The following GPR160 variants were observed in gnomAD, a reference collection of about 807,000 sequenced individuals.
The protein encoded by GPR160 is G protein-coupled receptor 160.
In GPR160, 2 loss-of-function variants were observed where a neutral mutation model predicts 2.6. That is an observed-to-expected ratio of 0.77 (90% CI 0.32 to 2.44). The LOEUF (loss-of-function observed/expected upper bound fraction) is 2.44. GPR160 is among the 30% of genes most tolerant of loss of function. The pLI, the probability that GPR160 is intolerant of heterozygous loss-of-function variation, is 0.11. For missense variants in GPR160, 351 were observed against 383.6 expected (o/e 0.91, Z 0.71); for synonymous variants, 130 against 132.2 (o/e 0.98, Z 0.12).
intron 2 of GPR160, among the ~76,000 whole-genome samples, chr3:170,054,580 A>G (rs530660558): frequency 8.5e-5 from 13 of 152,286 alleles, no homozygotes; most frequent in South Asian, 4.2e-4. Context: ...GAACTTTTTC[A>G]TCCTGTGCTG....
At chr3:170,045,226 G>A (rs1716656426) in intron 2 of GPR160, among the ~76,000 whole-genome samples, 1 of 151,656 alleles carries the variant, frequency 6.6e-6, no homozygotes, top group Non-Finnish European at 1.5e-5. Flanking sequence ...AAACGGACAT[G>A]GAATAAACAA....
chr3:170,081,235 C>CT (rs1270202768), intron 3 of GPR160, among the ~76,000 whole-genome samples: 2 of 151,508 alleles, frequency 1.3e-5, no homozygotes, highest in Non-Finnish European at 2.9e-5. Flanking sequence ...ATCTTGGCTT[C>CT]TTTATCCAAG....
intron 3 of GPR160, among the ~76,000 whole-genome samples, chr3:170,082,643 T>C (rs1713192518): frequency 1.3e-5 from 2 of 152,192 alleles, no homozygotes; most frequent in African/African-American, 4.8e-5. Context: ...TCACCCAGGC[T>C]GGAGTGCAGT....
chr3:170,045,860 C>A (rs1235550532), intron 2 of GPR160, among the ~76,000 whole-genome samples: 3 of 152,188 alleles, frequency 2.0e-5, no homozygotes, highest in Admixed American at 6.5e-5. Context: ...TCTGGTTCTT[C>A]CACCACCTGT....
intron 2 of GPR160, among the ~76,000 whole-genome samples, chr3:170,040,899 A>C (rs1009763664): frequency 6.6e-6 from 1 of 152,220 alleles, no homozygotes; most frequent in Non-Finnish European, 1.5e-5. Context: ...GACTCCTAAA[A>C]GTTCTGCATG....
At chr3:170,081,887 C>T (rs1713146138) in intron 3 of GPR160, among the ~76,000 whole-genome samples, 1 of 152,170 alleles carries the variant, frequency 6.6e-6, no homozygotes, top group African/African-American at 2.4e-5. Flanking sequence ...CATCCATGTT[C>T]CTGTGAAAGA....
At chr3:170,082,824 G>T (rs1713202321) in intron 3 of GPR160, among the ~76,000 whole-genome samples, 1 of 151,584 alleles carries the variant, frequency 6.6e-6, no homozygotes, top group East Asian at 1.9e-4. Flanking sequence ...CCAACTCCTG[G>T]GCTCAAGCCA....
intron 2 of GPR160, among the ~76,000 whole-genome samples, chr3:170,067,492 C>G (rs1036420768): frequency 6.6e-6 from 1 of 151,078 alleles, no homozygotes; most frequent in African/African-American, 2.4e-5. Context: ...TTTTTTTCTT[C>G]TAGTTTGATC....
chr3:170,073,881 A>ATTTTTTTTTTTT (rs35575462), intron 2 of GPR160, among the ~76,000 whole-genome samples: 1 of 81,880 alleles, frequency 1.2e-5, no homozygotes, highest in Admixed American at 1.6e-4. Context: ...TTTAATAGGG[A>ATTTTTTTTTTTT]TTTTTTTTTT....
At chr3:170,083,875 A>C (rs541122195) in intron 3 of GPR160, 30 bp from the exon 4 acceptor site, 1 of 628,194 alleles carries the variant, frequency 1.6e-6, no homozygotes, top group Non-Finnish European at 2.6e-6. Context: ...AATAGGTAAC[A>C]TTAAGGTTTT....
chr3:170,043,525 T>C (rs1048333880), intron 2 of GPR160, among the ~76,000 whole-genome samples: 8 of 152,186 alleles, frequency 5.3e-5, no homozygotes, highest in Non-Finnish European at 8.8e-5. Flanking sequence ...GGTTGGGTAT[T>C]ATCAGTCCAT....
chr3:170,068,153 A>AT (rs1373355517), intron 2 of GPR160, among the ~76,000 whole-genome samples: 1 of 152,034 alleles, frequency 6.6e-6, no homozygotes, highest in Non-Finnish European at 1.5e-5. Flanking sequence ...ATTTTTATTT[A>AT]TTTATTTTTT....
intron 2 of GPR160, among the ~76,000 whole-genome samples, chr3:170,079,471 C>T (rs1299481346): frequency 6.6e-6 from 1 of 152,132 alleles, no homozygotes; most frequent in African/African-American, 2.4e-5. Context: ...TCAAAGGGTC[C>T]TGAAACCAAA....
At chr3:170,062,032 T>G (rs1209066973) in intron 2 of GPR160, among the ~76,000 whole-genome samples, 1 of 151,988 alleles carries the variant, frequency 6.6e-6, no homozygotes, top group Non-Finnish European at 1.5e-5. Flanking sequence ...TTTTTTTATT[T>G]TATAAGGTCT....
At chr3:170,062,558 A>G in intron 2 of GPR160, 1 of 762,042 alleles carries the variant, frequency 1.3e-6, no homozygotes, top group Non-Finnish European at 2.3e-6. Context: ...CAAAGACGCC[A>G]GGAGAGGACC....
chr3:170,078,524 C>G (rs1284136631), intron 2 of GPR160, among the ~76,000 whole-genome samples: 2 of 152,150 alleles, frequency 1.3e-5, no homozygotes, highest in Non-Finnish European at 2.9e-5. Context: ...CCATTACTTT[C>G]AACACTTACA....
At position 170,085,338 on chromosome 3, in the gene GPR160, G is replaced by A. The variant is rs965996858; in HGVS notation, c.*349G>A. 8.5e-4 allele frequency: 149 copies of A among 174,690 alleles called. 1 individual carries two copies. The highest frequency in any genetic ancestry group is 2.6e-4 in the Non-Finnish European group (19 of 73,632). 10.8% of individuals were successfully genotyped at this position (174,690 alleles called of 1,614,324 possible). ...TGTTATGTAAATCTGAGATTTCACT[G>A]ACAACTTTAAGATATCAACCTAAAC... is the stretch of plus-strand genomic sequence containing the variant. On this transcript the variant is annotated 3_prime_UTR_variant, in exon 4 of 4. Coordinates refer to ENST00000355897, the MANE Select transcript of GPR160 (RefSeq NM_014373.3).
At chr3:170,062,731 T>C in intron 2 of GPR160, 1 of 1,197,396 alleles carries the variant, frequency 8.4e-7, no homozygotes, top group East Asian at 2.4e-5. Flanking sequence ...AGTCGCAAAC[T>C]CACGGATTTC....
At chr3:170,054,466 T>C (rs761893651) in intron 2 of GPR160, among the ~76,000 whole-genome samples, 2 of 152,132 alleles carry the variant, frequency 1.3e-5, no homozygotes, top group African/African-American at 2.4e-5. Flanking sequence ...TATAGTAAAA[T>C]ATACCTAAAA....
Sources: allele counts gnomAD v4.1 joint callset (sites outside exome capture counted in the v4.1 genomes callset), GRCh38; gene constraint gnomAD v4.1.1; transcripts MANE v1.5; gene names NCBI Gene and HGNC (gene_info 2026-07-23, HGNC 2026-07-21).